The following ZFYVE9 variants were observed in gnomAD, a reference collection of about 807,000 sequenced individuals.
ZFYVE9 encodes the protein zinc finger FYVE-type containing 9.
In ZFYVE9, 43 loss-of-function variants were observed where a neutral mutation model predicts 126.7. That is an observed-to-expected ratio of 0.34 (90% confidence interval 0.27 to 0.44). The LOEUF (loss-of-function observed/expected upper bound fraction) is 0.44. Among genes scored for constraint, ZFYVE9 ranks in the 20% least tolerant of loss-of-function variants. The pLI, the probability that ZFYVE9 is intolerant of heterozygous loss-of-function variation, is 1.00. For missense variants in ZFYVE9, 1,476 were observed against 1,697.0 expected, an observed-to-expected ratio of 0.87 and a Z score of 2.29; for synonymous variants, 521 against 597.4, an observed-to-expected ratio of 0.87 and a Z score of 1.87.
chr1:52,313,625 A>G (rs1458343037), intron 13 of ZFYVE9, among the ~76,000 whole-genome samples: 1 of 152,260 alleles, frequency 6.6e-6, no homozygotes, highest in East Asian at 1.9e-4. Flanking sequence ...CTTACCAGCC[A>G]GAGTGACAAA....
chr1:52,270,925 C>G (rs1355808194), intron 7 of ZFYVE9, among the ~76,000 whole-genome samples: 1 of 151,980 alleles, frequency 6.6e-6, no homozygotes, highest in African/African-American at 2.4e-5. Context: ...TGCAGTGGCT[C>G]ACATCTGTAA....
At position 52,340,164 on chromosome 1, in the gene ZFYVE9, T is replaced by C. The variant is rs1209685130; in HGVS notation, c.3872T>C (p.Ile1291Thr). 6.2e-7 allele frequency: 1 copy of C among 1,613,828 alleles called. No homozygotes were observed. Among genetic ancestry groups the C allele is most frequent in the Non-Finnish European group, 8.5e-7 (1 of 1,179,720 alleles). Residue 1291 changes from isoleucine to threonine, a missense_variant, in exon 17 of 19, where the codon ATA (isoleucine) becomes ACA (threonine). Transcript: ENST00000287727. ...ATAGATGGGAAGTCCATGGAGACTA[T>C]AACAAATGTGAAGATATTCCATGGA... ...SPIDGKSMET[I>T]TNVKIFHGSE...
At chr1:52,319,858 C>A (rs1355891485) in intron 13 of ZFYVE9, among the ~76,000 whole-genome samples, 2 of 148,958 alleles carry the variant, frequency 1.3e-5, no homozygotes, top group African/African-American at 4.9e-5. Context: ...ACTAAAAATA[C>A]AAAAATAAGC....
chr1:52,341,278 A>G (rs1366206661), intron 17 of ZFYVE9, among the ~76,000 whole-genome samples: 1 of 152,232 alleles, frequency 6.6e-6, no homozygotes, highest in East Asian at 1.9e-4. Context: ...CAAGATTACA[A>G]GGCAAATAAA....
In ZFYVE9 at chr1:52,255,566, CAA is replaced by C. The variant is rs375453832; in HGVS notation, c.2179-8206_2179-8205del. On this transcript the variant is annotated intron_variant, in intron 4 of 18. Transcript: ENST00000287727. ...CACCATTGCACTCCAGCCTGGGCAA[CAA>C]GAGCAAAACCATCTCAAAAAAAAAA... Among the ~76,000 whole-genome samples, 157 of 109,674 alleles carry C rather than the reference CAA, an allele frequency of 1.4e-3. 2 individuals are homozygous for C. Among genetic ancestry groups the C allele is most frequent in the Middle Eastern group, 7.6e-3 (1 of 132 alleles). The allele number at this position is 109,674 out of a possible 152,430, so 72.0% of individuals were successfully genotyped here.
In ZFYVE9 at chr1:52,337,904, G is replaced by C; in HGVS notation, c.3803G>C (p.Trp1268Ser). The change falls in exon 16 of 19, where the codon TGG (tryptophan) becomes TCG (serine). Residue 1268 changes from tryptophan (W) to serine (S), a missense_variant. Coordinates refer to ENST00000287727, the MANE Select transcript of ZFYVE9 (RefSeq NM_004799.4). ...EEPQEHIHIQ[W>S]VDDDKNVSKG... ...CCCCAGGAGCACATCCACATCCAGT[G>C]GGTGGATGATGACAAGAACGTTAGC... 1 of 1,614,194 alleles carries C rather than the reference G, an allele frequency of 6.2e-7. No individual in the cohort carries two copies. Among genetic ancestry groups the C allele is most frequent in the Non-Finnish European group, 8.5e-7 (1 of 1,180,036 alleles).
intron 1 of ZFYVE9, among the ~76,000 whole-genome samples, chr1:52,215,070 C>A (rs1159557376): frequency 6.6e-6 from 1 of 152,150 alleles, no homozygotes; most frequent in African/African-American, 2.4e-5. Flanking sequence ...ATAAAATTAT[C>A]TATTATTGGA....
chr1:52,329,649 T>TA (rs1381862147), intron 13 of ZFYVE9, among the ~76,000 whole-genome samples: 1 of 152,212 alleles, frequency 6.6e-6, no homozygotes, highest in African/African-American at 2.4e-5. Flanking sequence ...CACATGCCTA[T>TA]AATCCCAGCA....
At chr1:52,269,388 C>T (rs1645666317) in intron 7 of ZFYVE9, among the ~76,000 whole-genome samples, 1 of 152,038 alleles carries the variant, frequency 6.6e-6, no homozygotes, top group South Asian at 2.1e-4. Context: ...CCTCAGCCTC[C>T]CAAAGTGCTA....
At chr1:52,152,210 G>A (rs927426108) in intron 1 of ZFYVE9, among the ~76,000 whole-genome samples, 7 of 151,970 alleles carry the variant, frequency 4.6e-5, no homozygotes, top group Admixed American at 6.6e-5. Flanking sequence ...GGCTGATCTC[G>A]AACTCCTGAC....
At position 52,237,816 on chromosome 1, in the gene ZFYVE9, G is replaced by A. The variant is rs1645287914; in HGVS notation, c.399G>A (p.Glu133=). The A allele has an allele frequency of 2.5e-6, 4 of 1,613,924 alleles. No homozygotes were observed. Among genetic ancestry groups the A allele is most frequent in the African/African-American group, 2.7e-5 (2 of 74,906 alleles). ...AATGCAGTGCTGTTGAAGTGGGAGA[G>A]AAGAAATGTGGAAACCTGGCTTGTC... is the stretch of plus-strand genomic sequence containing the variant. The part of the protein sequence containing the change: ...DDQCSAVEVG[E]KKCGNLACLP... The change falls in exon 4 of 19, where the codon GAG becomes GAA. Residue 133 remains glutamate (E), a synonymous_variant. Transcript: ENST00000287727.
At chr1:52,231,095 T>G (rs1645216647) in intron 2 of ZFYVE9, among the ~76,000 whole-genome samples, 1 of 152,218 alleles carries the variant, frequency 6.6e-6, no homozygotes, top group African/African-American at 2.4e-5. Flanking sequence ...AGATTGTGTG[T>G]TGTGAGAAAT....
intron 13 of ZFYVE9, among the ~76,000 whole-genome samples, chr1:52,304,407 C>T (rs187886437): frequency 5.9e-5 from 9 of 152,048 alleles, no homozygotes; most frequent in Admixed American, 5.9e-4. Flanking sequence ...GGATTACAGG[C>T]ACCCGCCACC....
chr1:52,235,116 T>C (rs546512536), intron 3 of ZFYVE9, among the ~76,000 whole-genome samples: 3 of 152,274 alleles, frequency 2.0e-5, no homozygotes, highest in Non-Finnish European at 4.4e-5. Context: ...ATAACTCCTT[T>C]AGAAGGAGAA....
intron 1 of ZFYVE9, among the ~76,000 whole-genome samples, chr1:52,183,118 A>T (rs1644730298): frequency 6.6e-6 from 1 of 152,194 alleles, no homozygotes; most frequent in East Asian, 1.9e-4. Flanking sequence ...AAAGGGCAGT[A>T]ATTAGAGGGA....
At chr1:52,219,802 T>TGTGTGTGG (rs1446154879) in intron 2 of ZFYVE9, among the ~76,000 whole-genome samples, 2 of 131,146 alleles carry the variant, frequency 1.5e-5, no homozygotes, top group African/African-American at 2.9e-5. Flanking sequence ...TGTGTGTGTG[T>TGTGTGTGG]GGCAGAGTCT....
chr1:52,239,616 C>T, intron 4 of ZFYVE9, 21 bp downstream of exon 4: 2 of 1,593,708 alleles, frequency 1.3e-6, no homozygotes, highest in Non-Finnish European at 8.6e-7. Context: ...TGTATACACT[C>T]AGAAATCGGG....
chr1:52,198,369 T>A (rs2124564670), intron 1 of ZFYVE9, among the ~76,000 whole-genome samples: 1 of 152,136 alleles, frequency 6.6e-6, no homozygotes, highest in South Asian at 2.1e-4. Context: ...TCGACCTCCC[T>A]TACAGGCATG....
chr1:52,239,397 A>G lies in ZFYVE9; in HGVS notation c.1980A>G (p.Pro660=). 6.2e-7 allele frequency: 1 copy of G among 1,614,180 alleles called. No individual in the cohort carries two copies. The highest frequency in any genetic ancestry group is 8.5e-7 in the Non-Finnish European group (1 of 1,180,018). ...ESYEAEISTR[P]CLALAPDSPD... Reference sequence around the variant, plus strand: ...ATGAGGCTGAGATCTCCACTAGACCATGCCTTGCATTAGCTCCAGATAGCC... The same window carrying G: ...ATGAGGCTGAGATCTCCACTAGACCGTGCCTTGCATTAGCTCCAGATAGCC... The change falls in exon 4 of 19, where the codon CCA becomes CCG. Residue 660 remains proline (P), a synonymous_variant. Transcript: ENST00000287727.
Sources: gnomAD v4.1 joint callset for allele counts (sites outside exome capture counted in the v4.1 genomes callset) on GRCh38, gnomAD v4.1.1 for gene constraint, MANE v1.5 for transcripts, NCBI Gene and HGNC (gene_info 2026-07-23, HGNC 2026-07-21) for gene names.